Variants in CLEC17A observed in about 807,000 individuals in gnomAD.
The protein encoded by CLEC17A is C-type lectin domain family 17, member A.
Under a neutral mutation model 61.3 loss-of-function variants are expected in CLEC17A, and 37 were observed. That is an observed-to-expected ratio of 0.60 (90% CI 0.46 to 0.79). The LOEUF is 0.79. Among genes scored for constraint, CLEC17A ranks in the 30% least tolerant of loss-of-function variants. CLEC17A has a pLI of 0.00. For missense variants in CLEC17A, 418 were observed against 464.7 expected (o/e 0.90, Z 0.92); for synonymous variants, 168 against 164.9 (o/e 1.02, Z -0.14).
chr19:14,583,196 C>A lies in CLEC17A; in HGVS notation c.36C>A (p.Asp12Glu). The A allele has an allele frequency of 3.7e-6, 6 of 1,613,916 alleles. No individual in the cohort carries two copies. Among genetic ancestry groups the A allele is most frequent in the Non-Finnish European group, 5.1e-6 (6 of 1,179,888 alleles). The change falls in exon 1 of 14, where the codon GAC (aspartate) becomes GAA (glutamate). Residue 12 changes from aspartate to glutamate, a missense_variant. Coordinates refer to ENST00000417570, the MANE Select transcript of CLEC17A (RefSeq NM_001204118.2). ...HNLYSITGYP[D>E]PPGTMEEEEE... ...TGTATTCCATCACTGGGTACCCGGA[C>A]CCACCAGGTAAGGCCCCGGCCAGGC...
At chr19:14,593,468 A>T (rs2074469089) in intron 4 of CLEC17A, among the ~76,000 whole-genome samples, 1 of 152,078 alleles carries the variant, frequency 6.6e-6, no homozygotes, top group African/African-American at 2.4e-5. Flanking sequence ...TAACACAGTG[A>T]AACCCCCAGC....
chr19:14,607,030 A>G lies in CLEC17A; in HGVS notation c.932A>G (p.Tyr311Cys). ...AAGGCCCATGGCTCTCCACGGGTGT[A>G]CTGGCTGGGGCTGAATGACAGGGCC... Reference protein sequence around the residue: ...VAKAHGSPRVYWLGLNDRAQE... With the variant: ...VAKAHGSPRVCWLGLNDRAQE... The change falls in exon 13 of 14, where the codon TAC becomes TGC. Residue 311 changes from tyrosine to cysteine, a missense_variant. By Grantham distance (194) the Tyr-to-Cys change is radical. Transcript: ENST00000417570. 3.0e-6 allele frequency: 4 copies of G among 1,331,186 alleles called. No individual in the cohort carries two copies. Among genetic ancestry groups the G allele is most frequent in the South Asian group, 2.0e-5 (1 of 50,574 alleles). The allele number at this position is 1,331,186 out of a possible 1,614,324, so 82.5% of individuals were successfully genotyped here.
chr19:14,611,566 C>T lies in CLEC17A; in HGVS notation c.*1370C>T, dbSNP rs933133481. Reference sequence around the variant, plus strand: ...CTGGCCCATGGAACTTCTAGAAAGGCATACCAGCTGAAAAGCAAGACCCCT... The same window carrying T: ...CTGGCCCATGGAACTTCTAGAAAGGTATACCAGCTGAAAAGCAAGACCCCT... On this transcript the variant is annotated 3_prime_UTR_variant, in exon 14 of 14. Transcript: ENST00000417570. 1.3e-5 allele frequency among the ~76,000 whole-genome samples: 2 copies of T among 151,856 alleles called. No homozygotes were observed. Among genetic ancestry groups the T allele is most frequent in the African/African-American group, 4.8e-5 (2 of 41,352 alleles).
In CLEC17A at chr19:14,607,020, C is replaced by T; in HGVS notation, c.922C>T (p.Pro308Ser). ...TTTTGTGGCCAAGGCCCATGGCTCT[C>T]CACGGGTGTACTGGCTGGGGCTGAA... ...HNFVAKAHGS[P>S]RVYWLGLNDR... The change falls in exon 13 of 14, where the codon CCA (proline) becomes TCA (serine). Residue 308 changes from proline (P) to serine (S), a missense_variant. Coordinates refer to ENST00000417570, the MANE Select transcript of CLEC17A (RefSeq NM_001204118.2). 7.6e-7 allele frequency: 1 copy of T among 1,315,854 alleles called. No homozygotes were observed. The highest frequency in any genetic ancestry group is 9.7e-7 in the Non-Finnish European group (1 of 1,027,626). 81.5% of individuals were successfully genotyped at this position (1,315,854 alleles called of 1,614,324 possible). A position where few individuals can be genotyped will look rare whatever the true frequency, so the allele number is the denominator to read the frequency against.
At chr19:14,609,820 AGAGT>A (rs1414253589) in intron 13 of CLEC17A, among the ~76,000 whole-genome samples, 1 of 150,100 alleles carries the variant, frequency 6.7e-6, no homozygotes, top group African/African-American at 2.5e-5. Context: ...CCTCAGCGAC[AGAGT>A]GAGACTCTGT....
chr19:14,588,338 A>AC (rs2074336934), intron 3 of CLEC17A: 1 of 152,560 alleles, frequency 6.6e-6, no homozygotes, highest in Non-Finnish European at 1.5e-5. Flanking sequence ...AAAAAAAAAA[A>AC]AAACAAGTAG....
At chr19:14,609,124 A>G (rs2146765581) in intron 13 of CLEC17A, among the ~76,000 whole-genome samples, 1 of 152,244 alleles carries the variant, frequency 6.6e-6, no homozygotes, top group Admixed American at 6.5e-5. Flanking sequence ...AAAGGCTCAC[A>G]GGAATGCTTT....
chr19:14,592,757 T>G (rs1408524139), intron 4 of CLEC17A, among the ~76,000 whole-genome samples: 2 of 152,080 alleles, frequency 1.3e-5, no homozygotes, highest in Non-Finnish European at 2.9e-5. Context: ...CCTCGCCTCC[T>G]GGGTTCAAGC....
At chr19:14,592,522 G>A (rs1015977820) in intron 4 of CLEC17A, among the ~76,000 whole-genome samples, 164 bp downstream of exon 4, 1 of 152,208 alleles carries the variant, frequency 6.6e-6, no homozygotes, top group Non-Finnish European at 1.5e-5. Flanking sequence ...CAGTCTGATG[G>A]CAGAGGCGGG....
chr19:14,608,610 G>A (rs2074962372), intron 13 of CLEC17A, among the ~76,000 whole-genome samples: 1 of 151,546 alleles, frequency 6.6e-6, no homozygotes, highest in Admixed American at 6.6e-5. Context: ...AAAAGGGAGG[G>A]TGGAAGGATG....
chr19:14,604,936 G>A (rs2074817569), intron 12 of CLEC17A, among the ~76,000 whole-genome samples: 1 of 151,966 alleles, frequency 6.6e-6, no homozygotes, highest in South Asian at 2.1e-4. Flanking sequence ...GGAAAGCTGG[G>A]GCGAGTGTTA....
chr19:14,610,402 G>T lies in CLEC17A; in HGVS notation c.*206G>T. The T allele has an allele frequency of 1.6e-6, 1 of 615,100 alleles. No homozygotes were observed. The highest frequency in any genetic ancestry group is 2.0e-5 in the South Asian group (1 of 49,972). The allele number at this position is 615,100 out of a possible 1,614,324, so 38.1% of individuals were successfully genotyped here. On this transcript the variant is annotated 3_prime_UTR_variant, in exon 14 of 14. Transcript: ENST00000417570. ...ACTTGGGCTTGCCCTAGTAGATGGT[G>T]AGCTGGGAGGATGCTCAGAGCTTGG... is the stretch of plus-strand genomic sequence containing the variant.
intron 8 of CLEC17A, among the ~76,000 whole-genome samples, chr19:14,595,986 A>AT (rs2074541074): frequency 3.1e-3 from 18 of 5,726 alleles, no homozygotes; most frequent in Admixed American, 6.4e-3. Flanking sequence ...TTGTTGGTAG[A>AT]GATGATGGTG....
upstream of CLEC17A, among the ~76,000 whole-genome samples, chr19:14,581,839 A>G (rs2074185789): frequency 6.6e-6 from 1 of 151,908 alleles, no homozygotes. Flanking sequence ...TTTAGTAGAG[A>G]TGGGATTTCA....
At chr19:14,586,282 G>A (rs111831095) in intron 2 of CLEC17A, among the ~76,000 whole-genome samples, 7,961 of 152,052 alleles carry the variant, frequency 0.052, 714 homozygotes, top group African/African-American at 0.18. Context: ...GTGCCACTGT[G>A]CCCGGCTAAT....
At chr19:14,585,144 T>G (rs1401698740) in intron 2 of CLEC17A, among the ~76,000 whole-genome samples, 1 of 152,214 alleles carries the variant, frequency 6.6e-6, no homozygotes, top group Non-Finnish European at 1.5e-5. Context: ...GTCTGCTCAT[T>G]AGTTTTTATG....
chr19:14,596,821 C>A lies in CLEC17A; in HGVS notation c.446-55C>A, dbSNP rs1472648691. ...TTGGACAAAGACTTAAGAGTCTCTTCCTTACTCTCTGAAGCCCCAGTATCA... is the reference window on the plus strand; with the variant it reads ...TTGGACAAAGACTTAAGAGTCTCTTACTTACTCTCTGAAGCCCCAGTATCA... On this transcript the variant is annotated intron_variant, in intron 8 of 13. Transcript: ENST00000417570. 3.2e-6 allele frequency: 5 copies of A among 1,582,028 alleles called. No individual in the cohort carries two copies. In the Admixed American group the frequency reaches 6.9e-5, roughly 22 times the overall value.
At chr19:14,595,451 A>T in intron 8 of CLEC17A, 136 bp downstream of exon 8, 1 of 886,992 alleles carries the variant, frequency 1.1e-6, no homozygotes. Context: ...CACTGTTCTG[A>T]GTTAGTCTAG....
At chr19:14,595,144 T>A (rs893236209) in intron 7 of CLEC17A, 130 bp from the exon 8 acceptor site, 24 of 1,044,582 alleles carry the variant, frequency 2.3e-5, no homozygotes, top group Middle Eastern at 2.1e-4. Context: ...AGTGCTGGAA[T>A]TACAGGCGTG....
Sources: allele counts gnomAD v4.1 joint callset (sites outside exome capture counted in the v4.1 genomes callset), GRCh38; gene constraint gnomAD v4.1.1; transcripts MANE v1.5; gene names NCBI Gene and HGNC (gene_info 2026-07-23, HGNC 2026-07-21).